Variants in COL12A1 observed in about 807,000 individuals in gnomAD.
COL12A1 encodes the protein collagen alpha-1(XII) chain.
Under a neutral mutation model 349.7 loss-of-function variants are expected in COL12A1, and 114 were observed. The observed-to-expected ratio is 0.33, with a 90% confidence interval of 0.28 to 0.38. The LOEUF (loss-of-function observed/expected upper bound fraction) is 0.38. Ranked by LOEUF, COL12A1 falls within the 10% of genes least tolerant of loss-of-function variation. COL12A1 has a pLI of 1.00. For synonymous variants in COL12A1, 1,369 were observed against 1,329.0 expected (o/e 1.03, Z -0.66); for missense variants, 3,284 against 3,756.9 (o/e 0.87, Z 3.29).
intron 23 of COL12A1, 135 bp downstream of exon 23, chr6:75,147,540 C>T: frequency 1.1e-6 from 1 of 900,320 alleles, no homozygotes; most frequent in East Asian, 2.7e-5. Context: ...GGCACCTGCA[C>T]AAAGATGACA....
chr6:75,189,704 G>A lies in COL12A1; in HGVS notation c.506C>T (p.Ala169Val), dbSNP rs1236271706. ...ILDFIAALVS[A>V]FDIGEEKTRV... ...TGTCTTCTCTTCCCCAATGTCAAAAGCAGACACAAGAGCAGCAATGAAGTC... is the reference window on the plus strand; with the variant it reads ...TGTCTTCTCTTCCCCAATGTCAAAAACAGACACAAGAGCAGCAATGAAGTC... The change falls in exon 6 of 66, where the codon GCT becomes GTT. Residue 169 changes from alanine (A) to valine (V), a missense_variant. This residue lies in a region of COL12A1 where 2,601 missense variants were observed against 2,824.8 expected (regional missense o/e 0.92). Transcript: ENST00000322507. 4 of 1,613,296 alleles carry A rather than the reference G, an allele frequency of 2.5e-6. No homozygotes were observed. The highest frequency in any genetic ancestry group is 3.4e-6 in the Non-Finnish European group (4 of 1,179,502).
At chr6:75,179,734 G>C (rs942132452) in intron 11 of COL12A1, among the ~76,000 whole-genome samples, 2 of 152,154 alleles carry the variant, frequency 1.3e-5, no homozygotes, top group Non-Finnish European at 2.9e-5. Flanking sequence ...AAAGAGGAAA[G>C]AACAATTGAC....
intron 17 of COL12A1, among the ~76,000 whole-genome samples, 173 bp from the exon 18 acceptor site, chr6:75,152,655 C>A (rs1767552899): frequency 6.6e-6 from 1 of 152,110 alleles, no homozygotes; most frequent in African/African-American, 2.4e-5. Context: ...GATTTATTAA[C>A]CTCAATTAAC....
Position 75,117,536 on chromosome 6 carries a change from G to A in COL12A1, c.7365C>T (p.Val2455=). Residue 2455 remains valine, a synonymous_variant, in exon 47 of 66, where the codon GTC becomes GTT. Coordinates refer to ENST00000322507, the MANE Select transcript of COL12A1 (RefSeq NM_004370.6). ...CGACATCAGCCACACCAACTACAAA[G>A]ACACTGAACCCTGCAAAGTAGCATT... ...ALVIQQSGFS[V]FVVGVADVDY... 1 of 1,613,406 alleles carries A rather than the reference G, an allele frequency of 6.2e-7. No homozygotes were observed. The highest frequency in any genetic ancestry group is 8.5e-7 in the Non-Finnish European group (1 of 1,179,494).
At chr6:75,119,557 A>T (rs1769253335) in intron 44 of COL12A1, 84 bp from the exon 45 acceptor site, 8 of 1,497,306 alleles carry the variant, frequency 5.3e-6, no homozygotes, top group Middle Eastern at 3.6e-4. Flanking sequence ...GCTGCGGAAT[A>T]AAGCGGTGGG....
Position 75,090,428 on chromosome 6 carries a change from T to C in COL12A1, c.8753-130A>G. 1 of 847,844 alleles carries C rather than the reference T, an allele frequency of 1.2e-6. No individual in the cohort carries two copies. The highest frequency in any genetic ancestry group is 1.8e-6 in the Non-Finnish European group (1 of 559,316). The allele number at this position is 847,844 out of a possible 1,614,324, so 52.5% of individuals were successfully genotyped here. A position where few individuals can be genotyped will look rare whatever the true frequency, so the allele number is the denominator to read the frequency against. On this transcript the variant is annotated intron_variant, in intron 62 of 65. Coordinates refer to ENST00000322507, the MANE Select transcript of COL12A1 (RefSeq NM_004370.6). This position sits in a 1 kb window ranked among gnomAD's most constrained non-coding sequence, Gnocchi z 4.1. ...AACCCCTCTAAGGAAACAATCTAAT[T>C]AGAATCCTAAAAATAAAATTAAGAC...
At chr6:75,134,458 C>T (rs1048214965) in intron 32 of COL12A1, among the ~76,000 whole-genome samples, 5 of 151,900 alleles carry the variant, frequency 3.3e-5, no homozygotes, top group Non-Finnish European at 7.4e-5. Flanking sequence ...GTAATCCCAG[C>T]TATTCGGGAG....
chr6:75,109,905 A>T (rs1768748842), intron 51 of COL12A1, among the ~76,000 whole-genome samples: 1 of 152,090 alleles, frequency 6.6e-6, no homozygotes, highest in African/African-American at 2.4e-5. Context: ...CAGCACAAAT[A>T]CTCAAGTAAG....
In COL12A1 at chr6:75,145,394, T is replaced by C; in HGVS notation, c.4622A>G (p.Tyr1541Cys). The C allele has an allele frequency of 1.9e-6, 3 of 1,614,032 alleles. No individual in the cohort carries two copies. Among genetic ancestry groups the C allele is most frequent in the Non-Finnish European group, 2.5e-6 (3 of 1,179,918 alleles). The stretch of plus-strand genomic sequence containing the variant: ...CAGGACAGCCTGGACTGTGACTGCA[T>C]ACTCCGTGTTGGGAACAAGGTCAGT... ...QLTDLVPNTE[Y>C]AVTVQAVLHD... Residue 1541 changes from tyrosine to cysteine, a missense_variant, in exon 25 of 66, where the codon TAT becomes TGT. Tyr to Cys is a radical substitution (Grantham distance 194). Coordinates refer to ENST00000322507, the MANE Select transcript of COL12A1 (RefSeq NM_004370.6).
chr6:75,155,964 T>A (rs1159397581), intron 15 of COL12A1, 110 bp from the exon 16 acceptor site: 67 of 1,089,988 alleles, frequency 6.1e-5, no homozygotes, highest in Non-Finnish European at 8.3e-5. Context: ...TTAAGTCCGG[T>A]AGCACAAAAT....
intron 27 of COL12A1, 36 bp downstream of exon 27, chr6:75,141,996 G>T: frequency 6.2e-7 from 1 of 1,612,442 alleles, no homozygotes; most frequent in Non-Finnish European, 8.5e-7. Flanking sequence ...GTAAAGTGTT[G>T]TTTCCCATTA....
intron 1 of COL12A1, among the ~76,000 whole-genome samples, chr6:75,204,163 C>T (rs993724308): frequency 6.6e-6 from 1 of 152,178 alleles, no homozygotes; most frequent in African/African-American, 2.4e-5. Flanking sequence ...TTTCTTTCTT[C>T]CTAATTAACA....
chr6:75,202,965 G>T, intron 1 of COL12A1, 138 bp from the exon 2 acceptor site: 1 of 583,310 alleles, frequency 1.7e-6, no homozygotes. Context: ...GCACATAATG[G>T]GCCTATTGTG....
intron 59 of COL12A1, 48 bp from the exon 60 acceptor site, chr6:75,095,227 C>A (rs771522252): frequency 2.8e-6 from 4 of 1,449,524 alleles, no homozygotes; most frequent in Admixed American, 1.8e-5. Context: ...AAGGGAAAAT[C>A]CCATCTAAAG....
intron 36 of COL12A1, 107 bp downstream of exon 36, chr6:75,130,745 A>T: frequency 7.0e-7 from 1 of 1,420,530 alleles, no homozygotes; most frequent in Non-Finnish European, 9.6e-7. Context: ...GATCCCAGGC[A>T]GAAAGCACCC....
Position 75,137,215 on chromosome 6 carries a change from G to A in COL12A1, c.5394+222C>T, listed in dbSNP as rs1460816156. Reference sequence around the variant, plus strand: ...AGCACATGCCTCATGCTTTGGGGCTGTAATGAAGAACAACTATCATCTCTC... The same window carrying A: ...AGCACATGCCTCATGCTTTGGGGCTATAATGAAGAACAACTATCATCTCTC... On this transcript the variant is annotated intron_variant, in intron 31 of 65. Coordinates refer to ENST00000322507, the MANE Select transcript of COL12A1 (RefSeq NM_004370.6). 3.9e-5 allele frequency among the ~76,000 whole-genome samples: 6 copies of A among 152,088 alleles called. No homozygotes were observed. The South Asian group carries it at 1.2e-3, about 32-fold the overall frequency.
chr6:75,189,000 C>A (rs1003906936), intron 7 of COL12A1, among the ~76,000 whole-genome samples: 4 of 152,022 alleles, frequency 2.6e-5, no homozygotes, highest in Non-Finnish European at 5.9e-5. Context: ...ATGTGAATAC[C>A]ACCTTCCTAA....
chr6:75,188,290 T>C (rs1409634436), intron 8 of COL12A1, 72 bp downstream of exon 8: 1 of 1,443,434 alleles, frequency 6.9e-7, no homozygotes, highest in Non-Finnish European at 9.4e-7. Flanking sequence ...ATATGTCTAC[T>C]TCTAAGATAA....
rs368686970 is a variant in COL12A1, at chr6:75,123,336, G to A, written c.6940C>T (p.Arg2314Trp). ...CCTATTTAGCTGTACTTACCATCCC[G>A]GGCTGGTGGAATGGTGGGAGGGGGA... ...PPPPPTIPPA[R>W]DVCKGAKADI... The change falls in exon 43 of 66, where the codon CGG (arginine) becomes TGG (tryptophan). Residue 2314 changes from arginine (R) to tryptophan (W), a missense_variant. By Grantham distance (101) the Arg-to-Trp change is moderately radical. Around this residue, in one of 2 missense-constraint regions of COL12A1, gnomAD observed 2,601 missense variants for 2,824.8 expected, o/e 0.92. Coordinates refer to ENST00000322507, the MANE Select transcript of COL12A1 (RefSeq NM_004370.6). The A allele has an allele frequency of 1.4e-5, 22 of 1,609,082 alleles. No homozygotes were observed. Among genetic ancestry groups the A allele is most frequent in the East Asian group, 4.5e-5 (2 of 44,700 alleles).
Sources: allele counts gnomAD v4.1 joint callset (sites outside exome capture counted in the v4.1 genomes callset), GRCh38; gene constraint gnomAD v4.1.1; regional missense constraint gnomAD v4.1.1; non-coding constraint Gnocchi (gnomAD v3.1); transcripts MANE v1.5; gene names NCBI Gene and HGNC (gene_info 2026-07-23, HGNC 2026-07-21).